RARB: variants seen among roughly 807,000 people sequenced by gnomAD.
RARB encodes retinoic acid receptor beta, also known as HBV-activated protein.
Under a neutral mutation model 51.9 loss-of-function variants are expected in RARB, and 17 were observed. The ratio of observed to expected loss-of-function variants is 0.33; its 90% CI spans 0.22 to 0.49. RARB has a LOEUF of 0.49. RARB is among the 20% of genes least tolerant of loss of function. The probability of loss-of-function intolerance (pLI) is 0.99; values close to 1 mark genes in which losing one functional copy is unlikely to be tolerated. For synonymous variants in RARB, 215 were observed against 195.4 expected (o/e 1.10, Z -0.84); for missense variants, 369 against 550.8 (o/e 0.67, Z 3.30).
intron 2 of RARB, among the ~76,000 whole-genome samples, chr3:24,937,505 A>T (rs1292273418): frequency 6.6e-6 from 1 of 152,188 alleles, no homozygotes; most frequent in African/African-American, 2.4e-5. Flanking sequence ...GATGACATAA[A>T]ACTGCTTTCC....
intron 5 of RARB, among the ~76,000 whole-genome samples, chr3:25,411,745 G>C (rs950730967): frequency 6.6e-6 from 1 of 152,164 alleles, no homozygotes; most frequent in Admixed American, 6.5e-5. Flanking sequence ...CCTTTGTCTT[G>C]GTAAGTTGGT....
intron 3 of RARB, among the ~76,000 whole-genome samples, chr3:25,074,454 C>G (rs1309026312): frequency 1.3e-5 from 2 of 152,188 alleles, no homozygotes; most frequent in African/African-American, 2.4e-5. Context: ...CTTCTCTGTT[C>G]ACACTGTTAC....
At chr3:24,929,727 C>G (rs146302557) in intron 2 of RARB, among the ~76,000 whole-genome samples, 96 of 152,098 alleles carry the variant, frequency 6.3e-4, no homozygotes, top group African/African-American at 2.2e-3. Flanking sequence ...GAGATCTGCC[C>G]CCTAGCACTT....
Position 25,302,320 on chromosome 3 carries a change from T to A in RARB, c.178+127745T>A, listed in dbSNP as rs145448228. ...AAACATGTTCACACAAAACCTAGAATGTGAAAGTTCTTGCAGCATTATTCA... is the reference window on the plus strand; with the variant it reads ...AAACATGTTCACACAAAACCTAGAAAGTGAAAGTTCTTGCAGCATTATTCA... On this transcript the variant is annotated intron_variant, in intron 5 of 11. Transcript: ENST00000383772. Among the ~76,000 whole-genome samples the A allele has an allele frequency of 5.2e-3, 794 of 152,320 alleles. 4 individuals carry two copies. Among genetic ancestry groups the A allele is most frequent in the Non-Finnish European group, 8.0e-3 (547 of 68,026 alleles).
intron 2 of RARB, among the ~76,000 whole-genome samples, chr3:25,000,153 G>A (rs1697129260): frequency 6.6e-6 from 1 of 152,104 alleles, no homozygotes; most frequent in Admixed American, 6.6e-5. Context: ...AACGACAGGT[G>A]TCCACTACAA....
intron 4 of RARB, among the ~76,000 whole-genome samples, chr3:25,151,906 C>T (rs1387303360): frequency 7.4e-6 from 1 of 134,790 alleles, no homozygotes. Flanking sequence ...TAATTAAATC[C>T]CTTTTTATAG....
chr3:25,121,187 G>C (rs1289946137), intron 3 of RARB, among the ~76,000 whole-genome samples: 3 of 152,262 alleles, frequency 2.0e-5, no homozygotes, highest in African/African-American at 7.2e-5. Context: ...AAGTCTCAAA[G>C]GGGAGGGCAG....
chr3:24,862,510 G>A (rs1702770714), intron 2 of RARB, among the ~76,000 whole-genome samples: 1 of 152,162 alleles, frequency 6.6e-6, no homozygotes, highest in South Asian at 2.1e-4. Flanking sequence ...CCAATTGCCT[G>A]TGATTCTTAG....
chr3:25,259,240 G>A (rs1702940415), intron 5 of RARB, among the ~76,000 whole-genome samples: 1 of 152,044 alleles, frequency 6.6e-6, no homozygotes, highest in Admixed American at 6.6e-5. Flanking sequence ...TCCATAATAG[G>A]GAGTTTTTGC....
intron 2 of RARB, among the ~76,000 whole-genome samples, chr3:25,053,324 T>C (rs1698374009): frequency 1.3e-5 from 2 of 152,150 alleles, no homozygotes; most frequent in South Asian, 2.1e-4. Context: ...CATGGTCACC[T>C]ACCTGTCTTT....
chr3:25,293,566 A>C (rs1703839371), intron 5 of RARB, among the ~76,000 whole-genome samples: 2 of 143,530 alleles, frequency 1.4e-5, no homozygotes, highest in Non-Finnish European at 3.0e-5. Context: ...ACAAGAGAAA[A>C]AGAATTTCCC....
chr3:25,022,733 T>C (rs1434349311), intron 2 of RARB, among the ~76,000 whole-genome samples: 1 of 152,124 alleles, frequency 6.6e-6, no homozygotes, highest in Non-Finnish European at 1.5e-5. Context: ...TGATGATATG[T>C]AGTTAACAAG....
chr3:25,115,590 CT>C (rs1287857839), intron 3 of RARB, among the ~76,000 whole-genome samples: 1 of 150,914 alleles, frequency 6.6e-6, no homozygotes, highest in Admixed American at 6.6e-5. Flanking sequence ...CCTTTCTTTT[CT>C]TTTTCTTCTT....
rs75372366 is a variant in RARB at position 25,418,556 on chromosome 3, C to G, written c.179-42637C>G. On this transcript the variant is annotated intron_variant, in intron 5 of 11. Transcript: ENST00000383772. ...GAATCCAGGGCTTCTTCACTCCAGTCTCAGAGGTCTACCATTTCTAGCCTC... is the reference window on the plus strand; with the variant it reads ...GAATCCAGGGCTTCTTCACTCCAGTGTCAGAGGTCTACCATTTCTAGCCTC... Among the ~76,000 whole-genome samples the G allele has an allele frequency of 2.0e-3, 308 of 152,138 alleles. 7 individuals are homozygous for G. The highest frequency in any genetic ancestry group is 0.015 in the East Asian group (79 of 5,164).
chr3:25,350,401 G>A lies in RARB; in HGVS notation c.179-110792G>A, dbSNP rs144666417. The stretch of plus-strand genomic sequence containing the variant: ...GATGAACAATAGTGCTTCCCAAAGA[G>A]GGAATAGTGGCTTTGACTTTAGTTG... On this transcript the variant is annotated intron_variant, in intron 5 of 11. Transcript: ENST00000383772. Among the ~76,000 whole-genome samples the A allele has an allele frequency of 3.4e-3, 519 of 152,290 alleles. 5 individuals carry two copies. Among genetic ancestry groups the A allele is most frequent in the African/African-American group, 0.012 (488 of 41,558 alleles).
At chr3:25,066,594 C>T (rs969560001) in intron 3 of RARB, among the ~76,000 whole-genome samples, 21 of 144,332 alleles carry the variant, frequency 1.5e-4, no homozygotes, top group African/African-American at 4.5e-4. Context: ...TATGTGCACA[C>T]GCACACATAA....
At chr3:25,031,695 T>C (rs901283785) in intron 2 of RARB, among the ~76,000 whole-genome samples, 2 of 152,222 alleles carry the variant, frequency 1.3e-5, no homozygotes, top group Admixed American at 6.5e-5. Flanking sequence ...GGGAACTGTC[T>C]ATGGAGTTGC....
intron 5 of RARB, among the ~76,000 whole-genome samples, chr3:25,208,674 C>A (rs768096334): frequency 1.4e-4 from 21 of 152,106 alleles, no homozygotes; most frequent in Non-Finnish European, 2.8e-4. Flanking sequence ...TCTGACCTGA[C>A]AATGCTGTCT....
chr3:25,587,997 A>G (rs1701466681), intron 5 of RARB, among the ~76,000 whole-genome samples: 1 of 152,242 alleles, frequency 6.6e-6, no homozygotes, highest in South Asian at 2.1e-4. Context: ...CACCTGCTGT[A>G]TGGAGGACAT....
Sources: gnomAD v4.1 joint callset for allele counts (sites outside exome capture counted in the v4.1 genomes callset) on GRCh38, gnomAD v4.1.1 for gene constraint, MANE v1.5 for transcripts, NCBI Gene and HGNC (gene_info 2026-07-23, HGNC 2026-07-21) for gene names.